GRXCR1: variants seen among roughly 807,000 people sequenced by gnomAD.
GRXCR1 encodes the protein glutaredoxin domain-containing cysteine-rich protein 1.
GRXCR1 carries 27 observed loss-of-function variants against 27.3 expected under a neutral mutation model. The ratio of observed to expected loss-of-function variants is 0.99; its 90% CI spans 0.73 to 1.37. GRXCR1 has a LOEUF of 1.37. Ranked by LOEUF, GRXCR1 falls within the 40% of genes most tolerant of loss-of-function variation. The pLI, the probability that GRXCR1 is intolerant of heterozygous loss-of-function variation, is 0.00. For synonymous variants in GRXCR1, 122 were observed against 131.1 expected (o/e 0.93, Z 0.47); for missense variants, 379 against 354.4 (o/e 1.07, Z -0.56).
At chr4:42,918,729 C>A (rs1464781288) in intron 1 of GRXCR1, among the ~76,000 whole-genome samples, 1 of 152,080 alleles carries the variant, frequency 6.6e-6, no homozygotes, top group Non-Finnish European at 1.5e-5. Context: ...AAACTCTAGA[C>A]TATGCTCCCT....
intron 2 of GRXCR1, 67 bp downstream of exon 2, chr4:42,963,201 A>G (rs777548420): frequency 1.8e-5 from 28 of 1,563,628 alleles, no homozygotes; most frequent in East Asian, 2.2e-5. Context: ...ATCTATAACC[A>G]TCTATACATT....
intron 2 of GRXCR1, among the ~76,000 whole-genome samples, chr4:42,989,536 T>C (rs1711896512): frequency 6.6e-6 from 1 of 152,226 alleles, no homozygotes; most frequent in Non-Finnish European, 1.5e-5. Context: ...ATAATTTCCA[T>C]TTAAATTTAC....
chr4:42,968,495 C>A (rs980695740), intron 2 of GRXCR1, among the ~76,000 whole-genome samples: 2 of 152,118 alleles, frequency 1.3e-5, no homozygotes, highest in African/African-American at 2.4e-5. Flanking sequence ...AAACTTAAAT[C>A]TTTAAAATCT....
chr4:42,899,289 C>A (rs1267981750), intron 1 of GRXCR1, among the ~76,000 whole-genome samples: 1 of 152,060 alleles, frequency 6.6e-6, no homozygotes, highest in Non-Finnish European at 1.5e-5. Context: ...TCATTAATAA[C>A]TATTTACTGC....
intron 1 of GRXCR1, among the ~76,000 whole-genome samples, chr4:42,929,813 C>T (rs1272220972): frequency 6.6e-6 from 1 of 151,906 alleles, no homozygotes; most frequent in Admixed American, 6.6e-5. Flanking sequence ...AATTATAACA[C>T]CTGCACCATA....
At chr4:43,021,715 T>A (rs894699542) in intron 3 of GRXCR1, among the ~76,000 whole-genome samples, 2 of 152,202 alleles carry the variant, frequency 1.3e-5, no homozygotes, top group Non-Finnish European at 2.9e-5. Flanking sequence ...GGCAGAAATA[T>A]AGTGCTTATA....
chr4:42,971,964 T>G (rs762759736), intron 2 of GRXCR1, among the ~76,000 whole-genome samples: 2 of 152,106 alleles, frequency 1.3e-5, no homozygotes, highest in Non-Finnish European at 2.9e-5. Context: ...ACTTACACAA[T>G]CTTGGCTTAC....
At chr4:43,006,837 G>A (rs566681266) in intron 2 of GRXCR1, among the ~76,000 whole-genome samples, 122 of 152,204 alleles carry the variant, frequency 8.0e-4, no homozygotes, top group African/African-American at 2.6e-3. Flanking sequence ...GGCTTGTGGG[G>A]CATCACGGAA....
chr4:43,025,852 T>G (rs1713241442), intron 3 of GRXCR1, among the ~76,000 whole-genome samples: 1 of 151,810 alleles, frequency 6.6e-6, no homozygotes, highest in Non-Finnish European at 1.5e-5. Context: ...GGTGGGCGCC[T>G]GTAGTCCCAG....
At chr4:42,999,521 A>G (rs960304915) in intron 2 of GRXCR1, among the ~76,000 whole-genome samples, 2 of 152,176 alleles carry the variant, frequency 1.3e-5, no homozygotes, top group Admixed American at 6.5e-5. Flanking sequence ...CTTTGGAAGT[A>G]AAAACAAAGC....
At chr4:42,979,701 T>G (rs192736946) in intron 2 of GRXCR1, among the ~76,000 whole-genome samples, 1 of 152,128 alleles carries the variant, frequency 6.6e-6, no homozygotes, top group Admixed American at 6.6e-5. Flanking sequence ...TCATTTTGAG[T>G]TTATTGGAAG....
intron 2 of GRXCR1, among the ~76,000 whole-genome samples, chr4:43,018,673 T>C (rs1379330537): frequency 6.6e-6 from 1 of 152,202 alleles, no homozygotes; most frequent in Admixed American, 6.5e-5. Flanking sequence ...TTTTCTTTCA[T>C]TTGAGAAAAA....
chr4:42,967,013 A>G (rs1370394208), intron 2 of GRXCR1, among the ~76,000 whole-genome samples: 6 of 151,982 alleles, frequency 3.9e-5, no homozygotes, highest in African/African-American at 1.4e-4. Flanking sequence ...TCTCTTGACA[A>G]TGTCTCTTAA....
intron 1 of GRXCR1, among the ~76,000 whole-genome samples, chr4:42,899,126 G>A (rs1746411666): frequency 6.6e-6 from 1 of 151,954 alleles, no homozygotes. Flanking sequence ...TTTCTTCCTT[G>A]AGTTAATGAA....
intron 1 of GRXCR1, among the ~76,000 whole-genome samples, chr4:42,931,773 T>C (rs751923581): frequency 6.6e-6 from 1 of 151,970 alleles, no homozygotes; most frequent in Non-Finnish European, 1.5e-5. Context: ...TTTCCAAGAA[T>C]ATGATACCTT....
chr4:42,926,024 A>T (rs1035029676), intron 1 of GRXCR1, among the ~76,000 whole-genome samples: 1 of 152,006 alleles, frequency 6.6e-6, no homozygotes, highest in Non-Finnish European at 1.5e-5. Flanking sequence ...TGAGAAAAAA[A>T]GTTTGTTTCC....
intron 2 of GRXCR1, among the ~76,000 whole-genome samples, chr4:42,968,830 C>A (rs562405582): frequency 6.6e-6 from 1 of 151,818 alleles, no homozygotes; most frequent in Non-Finnish European, 1.5e-5. Context: ...TTATTGTTAA[C>A]CTTTAGTAGC....
At chr4:42,978,589 A>G (rs1560672586) in intron 2 of GRXCR1, among the ~76,000 whole-genome samples, 1 of 151,944 alleles carries the variant, frequency 6.6e-6, no homozygotes. Flanking sequence ...TTGATTTCTT[A>G]TTAAGATAGT....
chr4:43,026,982 C>T (rs1012117187), intron 3 of GRXCR1, among the ~76,000 whole-genome samples: 1 of 152,186 alleles, frequency 6.6e-6, no homozygotes, highest in Non-Finnish European at 1.5e-5. Flanking sequence ...CATTTACTCT[C>T]CCTTTCTTAC....
Sources: gnomAD v4.1 joint callset for allele counts (sites outside exome capture counted in the v4.1 genomes callset) on GRCh38, gnomAD v4.1.1 for gene constraint, MANE v1.5 for transcripts, NCBI Gene and HGNC (gene_info 2026-07-23, HGNC 2026-07-21) for gene names.